Variants in TMEFF2 observed in about 807,000 individuals in gnomAD.
TMEFF2 encodes the protein tomoregulin-2.
TMEFF2 carries 28 observed loss-of-function variants against 53.8 expected under a neutral mutation model. That is an observed-to-expected ratio of 0.52 (90% CI 0.39 to 0.71). The LOEUF is 0.71. Among genes scored for constraint, TMEFF2 ranks in the 30% least tolerant of loss-of-function variants. The pLI, the probability that TMEFF2 is intolerant of heterozygous loss-of-function variation, is 0.00. For synonymous variants in TMEFF2, 162 were observed against 166.3 expected, an observed-to-expected ratio of 0.97 and a Z score of 0.20; for missense variants, 353 against 455.2, an observed-to-expected ratio of 0.78 and a Z score of 2.04.
At chr2:192,090,648 C>T (rs1688769299) in intron 4 of TMEFF2, among the ~76,000 whole-genome samples, 2 of 152,064 alleles carry the variant, frequency 1.3e-5, no homozygotes, top group South Asian at 2.1e-4. Context: ...CCAGGAATAG[C>T]TTATATAATA....
chr2:192,141,595 G>A (rs1418161026), intron 4 of TMEFF2, among the ~76,000 whole-genome samples: 5 of 151,738 alleles, frequency 3.3e-5, no homozygotes, highest in African/African-American at 7.3e-5. Flanking sequence ...ACTAAGCTAA[G>A]AGAAACCCTG....
intron 4 of TMEFF2, among the ~76,000 whole-genome samples, chr2:192,082,429 T>C (rs1688575164): frequency 1.3e-5 from 2 of 152,198 alleles, no homozygotes. Context: ...ATCTTTCACC[T>C]ATGATTTTCT....
chr2:192,175,841 A>G (rs962982641), intron 4 of TMEFF2, among the ~76,000 whole-genome samples: 1 of 151,436 alleles, frequency 6.6e-6, no homozygotes, highest in Non-Finnish European at 1.5e-5. Flanking sequence ...TTTTAATTTC[A>G]CCAGACTTAT....
At chr2:191,988,883 A>G (rs1448884995) in intron 7 of TMEFF2, among the ~76,000 whole-genome samples, 1 of 152,200 alleles carries the variant, frequency 6.6e-6, no homozygotes, top group Non-Finnish European at 1.5e-5. Context: ...ATGCATCAAT[A>G]ACTCTGCAGA....
chr2:192,188,110 A>C (rs1045952457), intron 2 of TMEFF2, among the ~76,000 whole-genome samples: 11 of 152,216 alleles, frequency 7.2e-5, no homozygotes, highest in African/African-American at 2.7e-4. Context: ...AAGATTAAAA[A>C]AATCTGCATA....
At chr2:192,128,945 T>C (rs1689744868) in intron 4 of TMEFF2, among the ~76,000 whole-genome samples, 2 of 152,212 alleles carry the variant, frequency 1.3e-5, no homozygotes. Context: ...ATGTGGTGCC[T>C]TTTGTGTTAC....
In TMEFF2 at chr2:191,949,760, A is replaced by C. The variant is rs1192266203; in HGVS notation, c.*551T>G. On this transcript the variant is annotated 3_prime_UTR_variant, in exon 10 of 10. Transcript: ENST00000272771. ...GATGAAAATGGAAGACCAGGGAAGA[A>C]AGTTGATGAAATAGAGATGATTCAA... 1.0e-6 allele frequency: 1 copy of C among 985,256 alleles called. No homozygotes were observed. The highest frequency in any genetic ancestry group is 1.7e-5 in the African/African-American group (1 of 57,256). 61.0% of individuals were successfully genotyped at this position (985,256 alleles called of 1,614,324 possible).
chr2:192,168,358 T>C (rs1370679278), intron 4 of TMEFF2, among the ~76,000 whole-genome samples: 1 of 152,052 alleles, frequency 6.6e-6, no homozygotes, highest in African/African-American at 2.4e-5. Context: ...TGGTTCAATG[T>C]CAAATTAAAT....
chr2:191,952,129 A>ATAAT lies in TMEFF2; in HGVS notation c.1028+1546_1028+1549dup, dbSNP rs202235363. Among the ~76,000 whole-genome samples the ATAAT allele has an allele frequency of 4.5e-4, 68 of 152,290 alleles. 1 individual carries two copies. The East Asian group carries it at 7.9e-3, about 18-fold the overall frequency. On this transcript the variant is annotated intron_variant, in intron 9 of 9. Coordinates refer to ENST00000272771, the MANE Select transcript of TMEFF2 (RefSeq NM_016192.4). ...CAGGGTCTCTATCTTGAAAGTGGAG[A>ATAAT]TAATTGTTTCTTCTTTGTAATGTTA...
chr2:191,965,482 A>G (rs182580299), intron 7 of TMEFF2, among the ~76,000 whole-genome samples: 1 of 152,280 alleles, frequency 6.6e-6, no homozygotes, highest in East Asian at 1.9e-4. Context: ...CCTAGGCCAG[A>G]GTGATCTTTC....
rs570217056 is a variant in TMEFF2, at chr2:192,096,865, G to A, written c.440-39090C>T. The stretch of plus-strand genomic sequence containing the variant: ...CAATTTTTGTATTTTTAGTAGAGAC[G>A]GGGTTTCACCATGTTGGCCAGGTTG... On this transcript the variant is annotated intron_variant, in intron 4 of 9. Coordinates refer to ENST00000272771, the MANE Select transcript of TMEFF2 (RefSeq NM_016192.4). Among the ~76,000 whole-genome samples the A allele has an allele frequency of 2.6e-5, 4 of 151,374 alleles. No homozygotes were observed. In the South Asian group the frequency reaches 8.4e-4, roughly 32 times the overall value.
At chr2:192,001,337 T>C (rs1686353059) in intron 5 of TMEFF2, among the ~76,000 whole-genome samples, 1 of 152,098 alleles carries the variant, frequency 6.6e-6, no homozygotes, top group Admixed American at 6.6e-5. Context: ...AATTTAGAAA[T>C]GTACACTATA....
intron 7 of TMEFF2, among the ~76,000 whole-genome samples, chr2:191,959,703 A>T (rs1467599403): frequency 1.3e-5 from 2 of 152,164 alleles, no homozygotes; most frequent in African/African-American, 2.4e-5. Context: ...TAGATAATTA[A>T]TCTATCAAAG....
intron 7 of TMEFF2, among the ~76,000 whole-genome samples, chr2:191,988,656 T>TC (rs927968815): frequency 1.3e-5 from 2 of 151,754 alleles, no homozygotes; most frequent in African/African-American, 4.8e-5. Context: ...AAAAACTATT[T>TC]TTTTTTTTAG....
intron 5 of TMEFF2, among the ~76,000 whole-genome samples, chr2:192,055,437 CA>C (rs1687878819): frequency 6.6e-6 from 1 of 152,126 alleles, no homozygotes; most frequent in Non-Finnish European, 1.5e-5. Flanking sequence ...TTGGGAACCA[CA>C]AATTCATCAG....
At chr2:192,063,622 ATTGTT>A (rs1020946904) in intron 4 of TMEFF2, among the ~76,000 whole-genome samples, 4 of 151,650 alleles carry the variant, frequency 2.6e-5, no homozygotes, top group African/African-American at 9.7e-5. Flanking sequence ...TTTTTATTTA[ATTGTT>A]TTATCTATTA....
At chr2:192,141,896 C>T (rs1190246720) in intron 4 of TMEFF2, among the ~76,000 whole-genome samples, 1 of 152,142 alleles carries the variant, frequency 6.6e-6, no homozygotes, top group African/African-American at 2.4e-5. Context: ...TTACAAATAA[C>T]ATCTCCTTCA....
intron 4 of TMEFF2, among the ~76,000 whole-genome samples, chr2:192,171,647 T>C (rs2106024304): frequency 6.6e-6 from 1 of 152,124 alleles, no homozygotes; most frequent in Middle Eastern, 3.4e-3. Context: ...ATGCATCTGC[T>C]TCAGAGTTTT....
Position 191,999,198 on chromosome 2 carries a change from T to TAC in TMEFF2, c.545_546dup (p.Asn183ValfsTer73). On this transcript the variant is annotated frameshift_variant, in exon 6 of 10. Transcript: ENST00000272771. LOFTEE classifies it high-confidence loss of function. ...AAGTTGGTTTGAGAACAGTCAATAT[T>TAC]ACACACACACCTAAAAAAAGAGAGA... 1 of 1,600,144 alleles carries TAC rather than the reference T, an allele frequency of 6.2e-7. No homozygotes were observed. The highest frequency in any genetic ancestry group is 8.5e-7 in the Non-Finnish European group (1 of 1,170,456).
Sources: gnomAD v4.1 joint callset for allele counts (sites outside exome capture counted in the v4.1 genomes callset) on GRCh38, gnomAD v4.1.1 for gene constraint, MANE v1.5 for transcripts, NCBI Gene and HGNC (gene_info 2026-07-23, HGNC 2026-07-21) for gene names.